Variants in RNMT observed in about 807,000 individuals in gnomAD.
RNMT encodes mRNA cap guanine-N(7) methyltransferase.
RNMT carries 27 observed loss-of-function variants against 56.0 expected under a neutral mutation model. The ratio of observed to expected loss-of-function variants is 0.48; its 90% CI spans 0.36 to 0.67. The LOEUF is 0.67. Among genes scored for constraint, RNMT ranks in the 30% least tolerant of loss-of-function variants. The probability of loss-of-function intolerance (pLI) is 0.00; values close to 1 mark genes in which losing one functional copy is unlikely to be tolerated. For synonymous variants in RNMT, 184 were observed against 176.2 expected (o/e 1.04, Z -0.35); for missense variants, 519 against 552.1 (o/e 0.94, Z 0.60).
At position 13,759,990 on chromosome 18, in the gene RNMT, A is replaced by G; in HGVS notation, c.*11A>G. On this transcript the variant is annotated 3_prime_UTR_variant, in exon 12 of 12. Transcript: ENST00000383314. ...GAGAAACAGCAGTGAGCACATAGGC[A>G]GTAGTCCCAGAGGGGCCGTGTTCTG... 6.2e-7 allele frequency: 1 copy of G among 1,613,042 alleles called. No homozygotes were observed. The highest frequency in any genetic ancestry group is 8.5e-7 in the Non-Finnish European group (1 of 1,179,344).
At position 13,742,582 on chromosome 18, in the gene RNMT, AAATAT is replaced by A. The variant is rs766099420; in HGVS notation, c.1070_1074del (p.Lys357ArgfsTer12). On this transcript the variant is annotated frameshift_variant, in exon 8 of 12. Coordinates refer to ENST00000383314, the MANE Select transcript of RNMT (RefSeq NM_003799.3). LOFTEE classifies it high-confidence loss of function. ...AGGAGATTATCCTTTATTTGGCTGC[AAATAT>A]GACTTCAACTTGGAAGGTGTTGTGG... 6.2e-7 allele frequency: 1 copy of A among 1,613,782 alleles called. No individual in the cohort carries two copies. Among genetic ancestry groups the A allele is most frequent in the Admixed American group, 1.7e-5 (1 of 59,992 alleles).
In RNMT at chr18:13,736,991, A is replaced by G; in HGVS notation, c.554-19A>G. ...ATTGAAGAAGAGGTAGTTTATTGTG[A>G]CTGATTTCTCTCTTTTAGGAGAATT... On this transcript the variant is annotated intron_variant, in intron 4 of 11. Coordinates refer to ENST00000383314, the MANE Select transcript of RNMT (RefSeq NM_003799.3). 1.2e-6 allele frequency: 2 copies of G among 1,607,886 alleles called. No individual in the cohort carries two copies. The highest frequency in any genetic ancestry group is 1.7e-6 in the Non-Finnish European group (2 of 1,176,700).
chr18:13,755,169 C>T (rs1407813969), intron 11 of RNMT, among the ~76,000 whole-genome samples: 1 of 152,178 alleles, frequency 6.6e-6, no homozygotes, highest in Non-Finnish European at 1.5e-5. Flanking sequence ...AAATCTCTAC[C>T]TTCTAGAAGT....
intron 11 of RNMT, among the ~76,000 whole-genome samples, chr18:13,757,623 G>A (rs2044565307): frequency 6.6e-6 from 1 of 152,166 alleles, no homozygotes; most frequent in South Asian, 2.1e-4. Context: ...TTCTCTTGTT[G>A]TTGCCATCCC....
chr18:13,727,787 TC>T (rs2043987543), intron 1 of RNMT, among the ~76,000 whole-genome samples: 1 of 152,214 alleles, frequency 6.6e-6, no homozygotes. Flanking sequence ...TAACCACCAA[TC>T]CACTCTTTAC....
chr18:13,744,655 G>T (rs1011923102), intron 8 of RNMT, among the ~76,000 whole-genome samples: 1 of 152,170 alleles, frequency 6.6e-6, no homozygotes, highest in African/African-American at 2.4e-5. Flanking sequence ...TTCCAAGGAG[G>T]ATTAATTGAA....
Position 13,761,764 on chromosome 18 carries a change from G to A in RNMT, c.*1785G>A. On this transcript the variant is annotated 3_prime_UTR_variant, in exon 12 of 12. Transcript: ENST00000383314. ...GAGGCTTACTGGAGCCACACCTGCA[G>A]GCGCTGTGTTCAGGCACCACCTTCC... The A allele has an allele frequency of 2.5e-6, 3 of 1,204,816 alleles. No individual in the cohort carries two copies. The South Asian group carries it at 5.7e-5, about 23-fold the overall frequency. 74.6% of individuals were successfully genotyped at this position (1,204,816 alleles called of 1,614,324 possible).
In RNMT at chr18:13,754,165, A is replaced by T. The variant is rs1167021371; in HGVS notation, c.1393+18A>T. The T allele has an allele frequency of 5.9e-6, 9 of 1,515,224 alleles. No homozygotes were observed. Among genetic ancestry groups the T allele is most frequent in the Non-Finnish European group, 8.2e-6 (9 of 1,094,744 alleles). 93.9% of individuals were successfully genotyped at this position (1,515,224 alleles called of 1,614,324 possible). A position where few individuals can be genotyped will look rare whatever the true frequency, so the allele number is the denominator to read the frequency against. ...AGCTACAAGTGAGTATATCATCAGCATAGATTAACTGATAATTTCAAAAGT... is the reference window on the plus strand; with the variant it reads ...AGCTACAAGTGAGTATATCATCAGCTTAGATTAACTGATAATTTCAAAAGT... On this transcript the variant is annotated intron_variant, in intron 11 of 11. Transcript: ENST00000383314.
Position 13,741,566 on chromosome 18 carries a change from T to A in RNMT, c.849T>A (p.Cys283Ter). The A allele has an allele frequency of 6.2e-7, 1 of 1,613,956 alleles. No individual in the cohort carries two copies. Among genetic ancestry groups the A allele is most frequent in the South Asian group, 1.1e-5 (1 of 91,030 alleles). Reference protein sequence around the residue: ...DPQMCFDICSCQFVCHYSFES... With the variant: ...DPQMCFDICS ...AAATGTGTTTTGACATCTGCAGTTGTCAGTTTGTCTGTCATTACTCATTTG... is the reference window on the plus strand; with the variant it reads ...AAATGTGTTTTGACATCTGCAGTTGACAGTTTGTCTGTCATTACTCATTTG... The change falls in exon 7 of 12, where the codon TGT becomes TGA. Residue 283 changes from cysteine (C) to a stop codon, truncating the protein, a stop_gained. Transcript: ENST00000383314. LOFTEE classifies it high-confidence loss of function.
Position 13,762,407 on chromosome 18 carries a change from G to C in RNMT, c.*2428G>C. 1 of 447,470 alleles carries C rather than the reference G, an allele frequency of 2.2e-6. No homozygotes were observed. Among genetic ancestry groups the C allele is most frequent in the Non-Finnish European group, 4.0e-6 (1 of 248,156 alleles). The allele number at this position is 447,470 out of a possible 1,614,324, so 27.7% of individuals were successfully genotyped here. ...TGTGGAAAGTATTGCAATTCTGTGA[G>C]AGTGACTCTGCAGAGTCACTGCACC... On this transcript the variant is annotated 3_prime_UTR_variant, in exon 12 of 12. Coordinates refer to ENST00000383314, the MANE Select transcript of RNMT (RefSeq NM_003799.3).
Position 13,762,387 on chromosome 18 carries a change from A to C in RNMT, c.*2408A>C. On this transcript the variant is annotated 3_prime_UTR_variant, in exon 12 of 12. Transcript: ENST00000383314. ...GTGGGAGCCGTGTTCTAACCTGTGG[A>C]AAGTATTGCAATTCTGTGAGAGTGA... 2.0e-6 allele frequency: 1 copy of C among 497,418 alleles called. No individual in the cohort carries two copies. The highest frequency in any genetic ancestry group is 3.6e-6 in the Non-Finnish European group (1 of 279,286). The allele number at this position is 497,418 out of a possible 1,614,324, so 30.8% of individuals were successfully genotyped here.
intron 3 of RNMT, 78 bp downstream of exon 3, chr18:13,732,012 GT>G: frequency 8.7e-7 from 1 of 1,152,164 alleles, no homozygotes; most frequent in Non-Finnish European, 1.2e-6. Context: ...ATTCATACTG[GT>G]TTTTACATAA....
intron 3 of RNMT, among the ~76,000 whole-genome samples, chr18:13,732,582 C>T (rs1297043299): frequency 6.6e-6 from 1 of 151,878 alleles, no homozygotes; most frequent in African/African-American, 2.4e-5. Flanking sequence ...CTGGAAGTAC[C>T]ACATTAGAAA....
At chr18:13,737,237 A>G (rs945336273) in intron 5 of RNMT, 102 bp downstream of exon 5, 4 of 1,086,568 alleles carry the variant, frequency 3.7e-6, no homozygotes, top group Middle Eastern at 2.9e-4. Flanking sequence ...TATGCATGAG[A>G]TGGGTTTTTT....
rs551772602 is a variant in RNMT, at chr18:13,761,154, T to C, written c.*1175T>C. 1 of 985,324 alleles carries C rather than the reference T, an allele frequency of 1.0e-6. No individual in the cohort carries two copies. The highest frequency in any genetic ancestry group is 6.1e-5 in the Admixed American group (1 of 16,276). 61.0% of individuals were successfully genotyped at this position (985,324 alleles called of 1,614,324 possible). On this transcript the variant is annotated 3_prime_UTR_variant, in exon 12 of 12. Coordinates refer to ENST00000383314, the MANE Select transcript of RNMT (RefSeq NM_003799.3). Reference sequence around the variant, plus strand: ...AACATAGTGTCTTCATTAGTGTGCATCTATTAACTGTTCATGGTGTTAGAG... The same window carrying C: ...AACATAGTGTCTTCATTAGTGTGCACCTATTAACTGTTCATGGTGTTAGAG...
chr18:13,740,202 C>T lies in RNMT; in HGVS notation c.715C>T (p.Arg239Trp), dbSNP rs768789789. Reference sequence around the variant, plus strand: ...TGTTTCTGTCAAACAGTGTCAGCAGCGGTATGAGGACATGAAAAATCGTCG... The same window carrying T: ...TGTTTCTGTCAAACAGTGTCAGCAGTGGTATGAGGACATGAAAAATCGTCG... ...ADVSVKQCQQ[R>W]YEDMKNRRDS... is the part of the protein sequence containing the mutation. The change falls in exon 6 of 12, where the codon CGG becomes TGG. Residue 239 changes from arginine to tryptophan, a missense_variant. Coordinates refer to ENST00000383314, the MANE Select transcript of RNMT (RefSeq NM_003799.3). 1.2e-5 allele frequency: 20 copies of T among 1,612,038 alleles called. No homozygotes were observed. The highest frequency in any genetic ancestry group is 1.7e-5 in the Admixed American group (1 of 59,960).
chr18:13,756,016 A>G (rs187757180), intron 11 of RNMT, among the ~76,000 whole-genome samples: 3 of 152,248 alleles, frequency 2.0e-5, no homozygotes, highest in Admixed American at 2.0e-4. Context: ...TGTTTGATGA[A>G]TTGCTCTGTT....
In RNMT at chr18:13,742,607, T is replaced by G. The variant is rs1398058034; in HGVS notation, c.1094T>G (p.Val365Gly). The change falls in exon 8 of 12, where the codon GTT becomes GGT. Residue 365 changes from valine to glycine, a missense_variant. By Grantham distance (109) the Val-to-Gly change is moderately radical. Coordinates refer to ENST00000383314, the MANE Select transcript of RNMT (RefSeq NM_003799.3). ...GCKYDFNLEGVVDVPEFLVYF... is the reference protein window; with the variant it reads ...GCKYDFNLEGGVDVPEFLVYF... ...AAATATGACTTCAACTTGGAAGGTG[T>G]TGTGGATGTTCCTGAATTCTTGGTC... 2 of 1,613,612 alleles carry G rather than the reference T, an allele frequency of 1.2e-6. No individual in the cohort carries two copies. Among genetic ancestry groups the G allele is most frequent in the South Asian group, 2.2e-5 (2 of 91,028 alleles).
At chr18:13,736,118 T>G (rs1009776693) in intron 4 of RNMT, among the ~76,000 whole-genome samples, 2 of 152,250 alleles carry the variant, frequency 1.3e-5, no homozygotes, top group Admixed American at 1.3e-4. Flanking sequence ...TTCAGTATTT[T>G]TATGCTATTA....
Sources: allele counts gnomAD v4.1 joint callset (sites outside exome capture counted in the v4.1 genomes callset), GRCh38; gene constraint gnomAD v4.1.1; transcripts MANE v1.5; gene names NCBI Gene and HGNC (gene_info 2026-07-23, HGNC 2026-07-21).